The following VTCN1 variants were observed in gnomAD, a reference collection of about 807,000 sequenced individuals.
The protein encoded by VTCN1 is V-set domain-containing T-cell activation inhibitor 1.
Under a neutral mutation model 26.5 loss-of-function variants are expected in VTCN1, and 26 were observed. The observed-to-expected ratio is 0.98, with a 90% CI of 0.72 to 1.36. The LOEUF is 1.36. VTCN1 is among the 40% of genes most tolerant of loss of function. The pLI is 0.00. For synonymous variants in VTCN1, 116 were observed against 130.7 expected, an observed-to-expected ratio of 0.89 and a Z score of 0.77; for missense variants, 298 against 337.7, an observed-to-expected ratio of 0.88 and a Z score of 0.92.
In VTCN1 at chr1:117,175,280, A is replaced by T. The variant is rs1302598730; in HGVS notation, c.33-5109T>A. ...CAGAAACAATAACTAGTACCTCGGG[A>T]GATAACTTAGACAGACAAGGCAGGC... On this transcript the variant is annotated intron_variant, in intron 1 of 5. Transcript: ENST00000369458. The surrounding 1 kb of genome is among the most constrained non-coding windows in gnomAD (Gnocchi z 4.2). Among the ~76,000 whole-genome samples, 1 of 152,232 alleles carries T rather than the reference A, an allele frequency of 6.6e-6. No homozygotes were observed. The highest frequency in any genetic ancestry group is 1.9e-4 in the East Asian group (1 of 5,206).
intron 1 of VTCN1, among the ~76,000 whole-genome samples, chr1:117,190,007 G>A (rs937459223): frequency 6.6e-6 from 1 of 152,184 alleles, no homozygotes; most frequent in African/African-American, 2.4e-5. Context: ...ACCCCATTTG[G>A]TCTTGGTCCT....
At position 117,167,617 on chromosome 1, in the gene VTCN1, T is replaced by C. The variant is rs1243462694; in HGVS notation, c.97+2490A>G. On this transcript the variant is annotated intron_variant, in intron 2 of 5. Transcript: ENST00000369458. This position sits in a 1 kb window ranked among gnomAD's most constrained non-coding sequence, Gnocchi z 4.1. ...AGCTTGATCTCTCATGCATTGCTGG[T>C]GAAGAGTAGATTGACTCATCACTTT... 6.6e-6 allele frequency among the ~76,000 whole-genome samples: 1 copy of C among 152,194 alleles called. No individual in the cohort carries two copies. The highest frequency in any genetic ancestry group is 6.5e-5 in the Admixed American group (1 of 15,282).
intron 1 of VTCN1, among the ~76,000 whole-genome samples, chr1:117,195,375 T>A (rs1010170875): frequency 6.6e-6 from 1 of 151,836 alleles, no homozygotes; most frequent in Non-Finnish European, 1.5e-5. Flanking sequence ...CACAAATAAC[T>A]GAGGTAAAGT....
chr1:117,147,879 C>T lies in VTCN1; in HGVS notation c.725-97G>A. 1 of 1,490,268 alleles carries T rather than the reference C, an allele frequency of 6.7e-7. No individual in the cohort carries two copies. The highest frequency in any genetic ancestry group is 1.4e-5 in the South Asian group (1 of 73,870). The allele number at this position is 1,490,268 out of a possible 1,614,324, so 92.3% of individuals were successfully genotyped here. A position where few individuals can be genotyped will look rare whatever the true frequency, so the allele number is the denominator to read the frequency against. ...AAAGAAAAGTACCTGAAAAACAGAA[C>T]AAGTTGTTCCTAATTCAGGCAATTT... On this transcript the variant is annotated intron_variant, in intron 4 of 5. Transcript: ENST00000369458. The surrounding 1 kb of genome is among the most constrained non-coding windows in gnomAD (Gnocchi z 4.6).
chr1:117,180,004 T>C (rs1191583645), intron 1 of VTCN1, among the ~76,000 whole-genome samples: 1 of 152,174 alleles, frequency 6.6e-6, no homozygotes, highest in African/African-American at 2.4e-5. Context: ...TTTATATTAA[T>C]CAAAAGACTT....
intron 1 of VTCN1, among the ~76,000 whole-genome samples, chr1:117,200,265 T>C (rs941584284): frequency 1.3e-5 from 2 of 152,060 alleles, no homozygotes; most frequent in African/African-American, 2.4e-5. Flanking sequence ...CTAGGCATGG[T>C]GGTGAGTACC....
At chr1:117,199,738 C>T (rs938538445) in intron 1 of VTCN1, among the ~76,000 whole-genome samples, 6 of 150,576 alleles carry the variant, frequency 4.0e-5, no homozygotes, top group Admixed American at 6.7e-5. Context: ...TGGGTTCAAG[C>T]GATTCTCCTG....
At chr1:117,188,044 A>T (rs1179708893) in intron 1 of VTCN1, among the ~76,000 whole-genome samples, 2 of 151,352 alleles carry the variant, frequency 1.3e-5, no homozygotes, top group Non-Finnish European at 2.9e-5. Flanking sequence ...TTCTTCGGGG[A>T]TTTTTTTTTC....
Position 117,147,808 on chromosome 1 carries a change from G to C in VTCN1, c.725-26C>G. 1 of 1,608,518 alleles carries C rather than the reference G, an allele frequency of 6.2e-7. No homozygotes were observed. Among genetic ancestry groups the C allele is most frequent in the Non-Finnish European group, 8.5e-7 (1 of 1,178,092 alleles). On this transcript the variant is annotated intron_variant, in intron 4 of 5. Transcript: ENST00000369458. The surrounding 1 kb of genome is among the most constrained non-coding windows in gnomAD (Gnocchi z 4.6). Reference sequence around the variant, plus strand: ...CTGTGAAGTGAGAGAAAAAGTTTAGGGTCATACAGGAGAAGCTGGATGTCT... The same window carrying C: ...CTGTGAAGTGAGAGAAAAAGTTTAGCGTCATACAGGAGAAGCTGGATGTCT...
intron 1 of VTCN1, 33 bp from the exon 2 acceptor site, chr1:117,170,204 T>C (rs748118128): frequency 2.5e-6 from 4 of 1,600,924 alleles, no homozygotes; most frequent in Non-Finnish European, 3.4e-6. Flanking sequence ...AGAAAATTAG[T>C]TCTCCATTCC....
chr1:117,203,263 G>A (rs1648877410), intron 1 of VTCN1, among the ~76,000 whole-genome samples: 1 of 151,980 alleles, frequency 6.6e-6, no homozygotes, highest in African/African-American at 2.4e-5. Flanking sequence ...AAGGGATGGG[G>A]GTTGTAAGAG....
At chr1:117,181,437 C>A (rs1385250880) in intron 1 of VTCN1, among the ~76,000 whole-genome samples, 1 of 152,190 alleles carries the variant, frequency 6.6e-6, no homozygotes, top group Non-Finnish European at 1.5e-5. Context: ...TTTTCTAACC[C>A]TTCTCCCTTT....
Position 117,153,302 on chromosome 1 carries a change from G to C in VTCN1, c.513C>G (p.Pro171=), listed in dbSNP as rs768236726. The C allele has an allele frequency of 3.1e-6, 5 of 1,613,922 alleles. No individual in the cohort carries two copies. In the African/African-American group the frequency reaches 4.0e-5, roughly 13 times the overall value. The change falls in exon 4 of 6, where the codon CCC becomes CCG. Residue 171 remains proline, a synonymous_variant. Transcript: ENST00000369458. ...ASSETLRCEA[P]RWFPQPTVVW... is the part of the protein sequence containing the mutation. ...CCACTGTGGGCTGGGGGAACCATCG[G>C]GGAGCCTCACACCGCAAGGTCTCTG...
At chr1:117,168,059 T>C (rs1652706063) in intron 2 of VTCN1, among the ~76,000 whole-genome samples, 3 of 151,848 alleles carry the variant, frequency 2.0e-5, no homozygotes. Flanking sequence ...AGGAAATCAA[T>C]ATTAGAACGA....
At chr1:117,157,091 T>TAA (rs963187591) in intron 2 of VTCN1, 170 bp from the exon 3 acceptor site, 1 of 759,198 alleles carries the variant, frequency 1.3e-6, no homozygotes. Context: ...ACAATCATTT[T>TAA]GATATATATA....
intron 1 of VTCN1, among the ~76,000 whole-genome samples, chr1:117,184,670 C>T (rs1417743347): frequency 6.6e-6 from 1 of 152,050 alleles, no homozygotes; most frequent in Non-Finnish European, 1.5e-5. Context: ...TCACTTGGTG[C>T]CCTTCTTCAT....
In VTCN1 at chr1:117,208,409, C is replaced by T. The variant is rs148514773; in HGVS notation, c.32+2415G>A. The stretch of plus-strand genomic sequence containing the variant: ...AAGCCTTGGGTGAGGGAAGTGCTCC[C>T]CTTGCAACCTGTGCTTATTGTCTGA... On this transcript the variant is annotated intron_variant, in intron 1 of 5. Transcript: ENST00000369458. Among the ~76,000 whole-genome samples, 663 of 152,246 alleles carry T rather than the reference C, an allele frequency of 4.4e-3. 7 individuals are homozygous for T. The highest frequency in any genetic ancestry group is 0.015 in the African/African-American group (637 of 41,548).
chr1:117,160,293 G>A (rs1259564333), intron 2 of VTCN1, among the ~76,000 whole-genome samples: 1 of 152,122 alleles, frequency 6.6e-6, no homozygotes, highest in East Asian at 1.9e-4. Flanking sequence ...AAAGTGGCCT[G>A]CACAAGTCTC....
chr1:117,145,419 A>G lies in VTCN1; in HGVS notation c.*46-194T>C, dbSNP rs980068266. 4.6e-5 allele frequency among the ~76,000 whole-genome samples: 7 copies of G among 152,112 alleles called. No individual in the cohort carries two copies. Among genetic ancestry groups the G allele is most frequent in the Admixed American group, 4.6e-4 (7 of 15,272 alleles). ...TGCTGGGGAAAAAGAGATGGCTTGA[A>G]TCTCTCCTTAACGGGGTATCATCCC... On this transcript the variant is annotated intron_variant, in intron 5 of 5. Transcript: ENST00000369458. The surrounding 1 kb of genome is among the most constrained non-coding windows in gnomAD (Gnocchi z 4.6).
Sources: allele counts gnomAD v4.1 joint callset (sites outside exome capture counted in the v4.1 genomes callset), GRCh38; gene constraint gnomAD v4.1.1; non-coding constraint Gnocchi (gnomAD v3.1); transcripts MANE v1.5; gene names NCBI Gene and HGNC (gene_info 2026-07-23, HGNC 2026-07-21).